The following TMEM150A variants were observed in gnomAD, a reference collection of about 807,000 sequenced individuals.
The protein encoded by TMEM150A is fasting-inducible integral membrane protein TM6P1.
TMEM150A carries 18 observed loss-of-function variants against 29.8 expected under a neutral mutation model. The ratio of observed to expected loss-of-function variants is 0.60; its 90% CI spans 0.42 to 0.90. The LOEUF is 0.90. Among genes scored for constraint, TMEM150A ranks in the 40% least tolerant of loss-of-function variants. The probability of loss-of-function intolerance (pLI) is 0.00; values close to 1 mark genes in which losing one functional copy is unlikely to be tolerated. For synonymous variants in TMEM150A, 127 were observed against 143.6 expected, an observed-to-expected ratio of 0.88 and a Z score of 0.83; for missense variants, 251 against 349.7, an observed-to-expected ratio of 0.72 and a Z score of 2.25.
chr2:85,599,471 G>A lies in TMEM150A; in HGVS notation c.574+54C>T. The A allele has an allele frequency of 6.3e-7, 1 of 1,574,992 alleles. No homozygotes were observed. Among genetic ancestry groups the A allele is most frequent in the African/African-American group, 1.4e-5 (1 of 73,848 alleles). ...CTCCACCCCCCATCCTCTTGGGAGG[G>A]AGAAAGGTTGAGCTAGAGGATGAGT... On this transcript the variant is annotated intron_variant, in intron 7 of 7. Coordinates refer to ENST00000334462, the MANE Select transcript of TMEM150A (RefSeq NM_001031738.3). The surrounding 1 kb of genome is among the most constrained non-coding windows in gnomAD (Gnocchi z 6.0).
rs1014644709 is a variant in TMEM150A, at chr2:85,601,807, C to G, written c.65+77G>C. 7.8e-6 allele frequency: 12 copies of G among 1,534,242 alleles called. No individual in the cohort carries two copies. The highest frequency in any genetic ancestry group is 9.0e-6 in the Non-Finnish European group (10 of 1,113,752). ...CACCCAGAGTGACCCTGGGTACCAC[C>G]GTGGCTATGACAGGACAAGAGACTT... On this transcript the variant is annotated intron_variant, in intron 2 of 7. Coordinates refer to ENST00000334462, the MANE Select transcript of TMEM150A (RefSeq NM_001031738.3). This position sits in a 1 kb window ranked among gnomAD's most constrained non-coding sequence, Gnocchi z 4.0.
At position 85,601,405 on chromosome 2, in the gene TMEM150A, G is replaced by T; in HGVS notation, c.113+30C>A. The T allele has an allele frequency of 6.2e-7, 1 of 1,613,762 alleles. No homozygotes were observed. Among genetic ancestry groups the T allele is most frequent in the South Asian group, 1.1e-5 (1 of 91,048 alleles). ...GGGGACAGAGATGAAGGAAGCTTTA[G>T]AGCAAGGTTGTCTGCAGAGTCCTTC... On this transcript the variant is annotated intron_variant, in intron 3 of 7. Coordinates refer to ENST00000334462, the MANE Select transcript of TMEM150A (RefSeq NM_001031738.3). The surrounding 1 kb of genome is among the most constrained non-coding windows in gnomAD (Gnocchi z 4.0).
chr2:85,599,029 A>G lies in TMEM150A; in HGVS notation c.*47T>C, dbSNP rs776836679. 3.8e-6 allele frequency: 6 copies of G among 1,586,176 alleles called. No homozygotes were observed. Among genetic ancestry groups the G allele is most frequent in the African/African-American group, 2.7e-5 (2 of 73,674 alleles). On this transcript the variant is annotated 3_prime_UTR_variant, in exon 8 of 8. Transcript: ENST00000334462. This position sits in a 1 kb window ranked among gnomAD's most constrained non-coding sequence, Gnocchi z 6.0. ...GGTACGAAATAAATGGAAAGAAGAT[A>G]TGGGGTGGGGTGCTGTGGAGGCCGG...
Position 85,601,207 on chromosome 2 carries a change from CT to C in TMEM150A, c.114-101del. On this transcript the variant is annotated intron_variant, in intron 3 of 7. Transcript: ENST00000334462. The surrounding 1 kb of genome is among the most constrained non-coding windows in gnomAD (Gnocchi z 4.0). ...AAGAGGACTCTCTCCCAGACCTCCC[CT>C]ACAGGGACAGAAGATCCCACTCCCC... The C allele has an allele frequency of 7.5e-7, 1 of 1,329,668 alleles. No homozygotes were observed. The highest frequency in any genetic ancestry group is 1.1e-6 in the Non-Finnish European group (1 of 938,404). 82.4% of individuals were successfully genotyped at this position (1,329,668 alleles called of 1,614,324 possible).
chr2:85,601,575 T>C lies in TMEM150A; in HGVS notation c.66-93A>G. On this transcript the variant is annotated intron_variant, in intron 2 of 7. Transcript: ENST00000334462. The surrounding 1 kb of genome is among the most constrained non-coding windows in gnomAD (Gnocchi z 4.0). ...TCTTCAACCTTGATTTCTGGCCCCA[T>C]TCAGCCTCATTATTGTTGCTGGGGA... 1.4e-6 allele frequency: 2 copies of C among 1,436,422 alleles called. No homozygotes were observed. Among genetic ancestry groups the C allele is most frequent in the Non-Finnish European group, 9.5e-7 (1 of 1,047,178 alleles). The allele number at this position is 1,436,422 out of a possible 1,614,324, so 89.0% of individuals were successfully genotyped here.
chr2:85,599,032 G>T lies in TMEM150A; in HGVS notation c.*44C>A. 1 of 1,592,842 alleles carries T rather than the reference G, an allele frequency of 6.3e-7. No homozygotes were observed. The highest frequency in any genetic ancestry group is 1.1e-5 in the South Asian group (1 of 90,602). ...ACGAAATAAATGGAAAGAAGATATG[G>T]GGTGGGGTGCTGTGGAGGCCGGGCC... On this transcript the variant is annotated 3_prime_UTR_variant, in exon 8 of 8. Transcript: ENST00000334462. The surrounding 1 kb of genome is among the most constrained non-coding windows in gnomAD (Gnocchi z 6.0).
rs1056563972 is a variant in TMEM150A at position 85,598,890 on chromosome 2, C to T, written c.*186G>A. 3 of 823,348 alleles carry T rather than the reference C, an allele frequency of 3.6e-6. No homozygotes were observed. Among genetic ancestry groups the T allele is most frequent in the Non-Finnish European group, 5.5e-6 (3 of 543,252 alleles). 51.0% of individuals were successfully genotyped at this position (823,348 alleles called of 1,614,324 possible). A position where few individuals can be genotyped will look rare whatever the true frequency, so the allele number is the denominator to read the frequency against. On this transcript the variant is annotated 3_prime_UTR_variant, in exon 8 of 8. Coordinates refer to ENST00000334462, the MANE Select transcript of TMEM150A (RefSeq NM_001031738.3). ...TGGGGTGGGGAAGCAGGTCATGCAG[C>T]TGTGGCAGCTGGCAGGGCCCACTCC...
In TMEM150A at chr2:85,599,880, AG is replaced by A. The variant is rs759803423; in HGVS notation, c.396+10del. ...TAAAGTTTAAGGTTTGCAGGGGAGA[AG>A]GGGAAGCACCTGAAAGTTGCCAACC... On this transcript the variant is annotated intron_variant, in intron 6 of 7. Coordinates refer to ENST00000334462, the MANE Select transcript of TMEM150A (RefSeq NM_001031738.3). This position sits in a 1 kb window ranked among gnomAD's most constrained non-coding sequence, Gnocchi z 6.0. 6.2e-7 allele frequency: 1 copy of A among 1,613,170 alleles called. No individual in the cohort carries two copies. Among genetic ancestry groups the A allele is most frequent in the East Asian group, 2.2e-5 (1 of 44,868 alleles).
In TMEM150A at chr2:85,599,666, C is replaced by A; in HGVS notation, c.433G>T (p.Gly145Cys). The A allele has an allele frequency of 6.2e-7, 1 of 1,613,560 alleles. No individual in the cohort carries two copies. The highest frequency in any genetic ancestry group is 1.3e-5 in the African/African-American group (1 of 75,048). Residue 145 changes from glycine to cysteine, a missense_variant, in exon 7 of 8, where the codon GGC (glycine) becomes TGC (cysteine). Transcript: ENST00000334462. This position sits in a 1 kb window ranked among gnomAD's most constrained non-coding sequence, Gnocchi z 6.0. Reference protein sequence around the residue: ...HARSLHYVGAGVAFPAGLLFV... With the variant: ...HARSLHYVGACVAFPAGLLFV... The stretch of plus-strand genomic sequence containing the variant: ...AGCAGCCCCGCAGGGAAGGCCACGC[C>A]AGCTCCAACGTAGTGCAGAGACCTG...
chr2:85,599,774 CCT>C lies in TMEM150A; in HGVS notation c.397-74_397-73del. On this transcript the variant is annotated intron_variant, in intron 6 of 7. Coordinates refer to ENST00000334462, the MANE Select transcript of TMEM150A (RefSeq NM_001031738.3). The surrounding 1 kb of genome is among the most constrained non-coding windows in gnomAD (Gnocchi z 6.0). ...TCTCCACCCCTCCTTCAATGAATCT[CCT>C]CTCTCCCTCTTCCTTCCTCTCCCTC... 2 of 1,414,186 alleles carry C rather than the reference CCT, an allele frequency of 1.4e-6. No homozygotes were observed. Among genetic ancestry groups the C allele is most frequent in the Non-Finnish European group, 1.9e-6 (2 of 1,026,604 alleles). 87.6% of individuals were successfully genotyped at this position (1,414,186 alleles called of 1,614,324 possible). A position where few individuals can be genotyped will look rare whatever the true frequency, so the allele number is the denominator to read the frequency against.
At chr2:85,600,057 C>G in intron 5 of TMEM150A, 39 bp from the exon 6 acceptor site, 1 of 1,606,138 alleles carries the variant, frequency 6.2e-7, no homozygotes, top group Non-Finnish European at 8.5e-7. Context: ...TCCTCCAGCC[C>G]TGGCCCTGCC....
In TMEM150A at chr2:85,599,808, G is replaced by T. The variant is rs997729149; in HGVS notation, c.396+83C>A. The T allele has an allele frequency of 5.6e-6, 9 of 1,606,162 alleles. No individual in the cohort carries two copies. The Admixed American group carries it at 6.7e-5, about 12-fold the overall frequency. Reference sequence around the variant, plus strand: ...CTCTTCCTTCCTCTCCCTCTTTCCAGCCCCAACCTTGAGGTGCCACACTGC... The same window carrying T: ...CTCTTCCTTCCTCTCCCTCTTTCCATCCCCAACCTTGAGGTGCCACACTGC... On this transcript the variant is annotated intron_variant, in intron 6 of 7. Coordinates refer to ENST00000334462, the MANE Select transcript of TMEM150A (RefSeq NM_001031738.3). This position sits in a 1 kb window ranked among gnomAD's most constrained non-coding sequence, Gnocchi z 6.0.
rs1299661368 is a variant in TMEM150A at position 85,602,055 on chromosome 2, C to CTG, written c.-109_-108dup. ...GAGATGTTTCTGCCACAACCATCAG[C>CTG]TGTCCTGGCCTGGTGGAGAGAGATC... On this transcript the variant is annotated 5_prime_UTR_variant, in exon 2 of 8. Coordinates refer to ENST00000334462, the MANE Select transcript of TMEM150A (RefSeq NM_001031738.3). The surrounding 1 kb of genome is among the most constrained non-coding windows in gnomAD (Gnocchi z 5.6). The CTG allele has an allele frequency of 1.0e-6, 1 of 974,042 alleles. No homozygotes were observed. The highest frequency in any genetic ancestry group is 1.6e-6 in the Non-Finnish European group (1 of 610,632). The allele number at this position is 974,042 out of a possible 1,614,324, so 60.3% of individuals were successfully genotyped here.
chr2:85,600,446 T>A (rs1459346369), intron 4 of TMEM150A, 34 bp from the exon 5 acceptor site: 1 of 1,594,052 alleles, frequency 6.3e-7, no homozygotes, highest in African/African-American at 1.3e-5. Flanking sequence ...GTAAGAGGGG[T>A]GCAGGAGGCC....
rs1249912821 is a variant in TMEM150A, at chr2:85,599,753, C to T, written c.397-51G>A. ...TGATGTGGCCATGGCCCCACCTCTC[C>T]ACCCCTCCTTCAATGAATCTCCTCT... On this transcript the variant is annotated intron_variant, in intron 6 of 7. Coordinates refer to ENST00000334462, the MANE Select transcript of TMEM150A (RefSeq NM_001031738.3). The surrounding 1 kb of genome is among the most constrained non-coding windows in gnomAD (Gnocchi z 6.0). 6.3e-7 allele frequency: 1 copy of T among 1,594,032 alleles called. No individual in the cohort carries two copies. The highest frequency in any genetic ancestry group is 1.3e-5 in the African/African-American group (1 of 74,280).
Position 85,602,122 on chromosome 2 carries a change from AG to A in TMEM150A, c.-116-59del. On this transcript the variant is annotated intron_variant, in intron 1 of 7. Coordinates refer to ENST00000334462, the MANE Select transcript of TMEM150A (RefSeq NM_001031738.3). This position sits in a 1 kb window ranked among gnomAD's most constrained non-coding sequence, Gnocchi z 5.6. Reference sequence around the variant, plus strand: ...TAACTGGCCGGGAAGGGGGAGGGGAAGGGGGTCAACACCTTATCCAGCGCTC... The same window carrying A: ...TAACTGGCCGGGAAGGGGGAGGGGAAGGGGTCAACACCTTATCCAGCGCTC... 1 of 613,452 alleles carries A rather than the reference AG, an allele frequency of 1.6e-6. No homozygotes were observed. Among genetic ancestry groups the A allele is most frequent in the South Asian group, 1.8e-5 (1 of 55,956 alleles). 38.0% of individuals were successfully genotyped at this position (613,452 alleles called of 1,614,324 possible). A position where few individuals can be genotyped will look rare whatever the true frequency, so the allele number is the denominator to read the frequency against.
chr2:85,598,921 G>T lies in TMEM150A; in HGVS notation c.*155C>A. ...CAGCTGGCAGGGCCCACTCCTCCATGGCACAGGTGGGCATGGGATGGCCAC... is the reference window on the plus strand; with the variant it reads ...CAGCTGGCAGGGCCCACTCCTCCATTGCACAGGTGGGCATGGGATGGCCAC... On this transcript the variant is annotated 3_prime_UTR_variant, in exon 8 of 8. Transcript: ENST00000334462. 9.0e-7 allele frequency: 1 copy of T among 1,116,664 alleles called. No homozygotes were observed. The allele number at this position is 1,116,664 out of a possible 1,614,324, so 69.2% of individuals were successfully genotyped here.
chr2:85,600,952 G>C, intron 4 of TMEM150A, 69 bp downstream of exon 4: 1 of 1,454,430 alleles, frequency 6.9e-7, no homozygotes, highest in South Asian at 1.2e-5. Flanking sequence ...CCCAAGGACA[G>C]CTCTTTGCTT....
In TMEM150A at chr2:85,599,388, G is replaced by A. The variant is rs1018856948; in HGVS notation, c.575-71C>T. ...GGCAACACCCCTTCTGCAGTCTCAG[G>A]CCTCACCTCTCCAAAGGGAGAGGTG... On this transcript the variant is annotated intron_variant, in intron 7 of 7. Transcript: ENST00000334462. The surrounding 1 kb of genome is among the most constrained non-coding windows in gnomAD (Gnocchi z 6.0). The A allele has an allele frequency of 1.1e-5, 17 of 1,593,978 alleles. No homozygotes were observed. Among genetic ancestry groups the A allele is most frequent in the Non-Finnish European group, 1.5e-5 (17 of 1,168,258 alleles).
Sources: gnomAD v4.1 joint callset for allele counts on GRCh38, gnomAD v4.1.1 for gene constraint, Gnocchi (gnomAD v3.1) non-coding constraint, MANE v1.5 for transcripts, NCBI Gene and HGNC (gene_info 2026-07-23, HGNC 2026-07-21) for gene names.